The following ADAP1 variants were observed in gnomAD, a reference collection of about 807,000 sequenced individuals.
ADAP1 encodes ArfGAP with dual PH domains 1, also known as arf-GAP with dual PH domain-containing protein 1.
In ADAP1, 31 loss-of-function variants were observed where a neutral mutation model predicts 54.9. That is an observed-to-expected ratio of 0.56 (90% CI 0.42 to 0.76). The LOEUF (loss-of-function observed/expected upper bound fraction) is 0.76, where lower values mean the gene tolerates loss of function less well. Ranked by LOEUF, ADAP1 falls within the 30% of genes least tolerant of loss-of-function variation. The pLI is 0.00. For synonymous variants in ADAP1, 313 were observed against 202.6 expected (o/e 1.55, Z -4.63); for missense variants, 535 against 512.4 (o/e 1.04, Z -0.42).
At position 927,494 on chromosome 7, in the gene ADAP1, C is replaced by A. The variant is rs767396171; in HGVS notation, c.214-850G>T. 5.7e-5 allele frequency: 27 copies of A among 471,070 alleles called. No homozygotes were observed. In the Middle Eastern group the frequency reaches 1.6e-3, roughly 28 times the overall value. The allele number at this position is 471,070 out of a possible 1,614,324, so 29.2% of individuals were successfully genotyped here. On this transcript the variant is annotated intron_variant, in intron 2 of 10. Coordinates refer to ENST00000265846, the MANE Select transcript of ADAP1 (RefSeq NM_006869.4). ...TGCACCTTCAAGCTCCTGAACACCACTCGCCTGAGGCCGCAGCCAGGCCCA... is the reference window on the plus strand; with the variant it reads ...TGCACCTTCAAGCTCCTGAACACCAATCGCCTGAGGCCGCAGCCAGGCCCA...
chr7:904,723 G>T (rs984169508), intron 5 of ADAP1, among the ~76,000 whole-genome samples: 1 of 152,200 alleles, frequency 6.6e-6, no homozygotes, highest in East Asian at 1.9e-4. Context: ...GTCTCCCCAG[G>T]GTACCTCCAG....
rs896487485 is a variant in ADAP1, at chr7:927,086, C to T, written c.214-442G>A. 11 of 1,301,610 alleles carry T rather than the reference C, an allele frequency of 8.5e-6. No individual in the cohort carries two copies. In the East Asian group the frequency reaches 1.7e-4, roughly 20 times the overall value. The allele number at this position is 1,301,610 out of a possible 1,614,324, so 80.6% of individuals were successfully genotyped here. The stretch of plus-strand genomic sequence containing the variant: ...GCAAAGAGCCAACAGGCGCCAGACA[C>T]GGGGGCCTGGAGATGGGCTGGTGAG... On this transcript the variant is annotated intron_variant, in intron 2 of 10. Coordinates refer to ENST00000265846, the MANE Select transcript of ADAP1 (RefSeq NM_006869.4).
Position 945,575 on chromosome 7 carries a change from C to A in ADAP1, c.82+8821G>T, listed in dbSNP as rs532152816. Reference sequence around the variant, plus strand: ...TACACACTGGGCCCAAGGGTGGCTGCGGCATGGCTGATGTGGTGGTGGAGA... The same window carrying A: ...TACACACTGGGCCCAAGGGTGGCTGAGGCATGGCTGATGTGGTGGTGGAGA... On this transcript the variant is annotated intron_variant, in intron 1 of 10. Transcript: ENST00000265846. This position sits in a 1 kb window ranked among gnomAD's most constrained non-coding sequence, Gnocchi z 4.2. Among the ~76,000 whole-genome samples the A allele has an allele frequency of 6.6e-6, 1 of 152,354 alleles. No homozygotes were observed. Among genetic ancestry groups the A allele is most frequent in the South Asian group, 2.1e-4 (1 of 4,832 alleles).
chr7:949,503 G>A (rs1847218156), intron 1 of ADAP1, among the ~76,000 whole-genome samples: 1 of 152,258 alleles, frequency 6.6e-6, no homozygotes, highest in Non-Finnish European at 1.5e-5. Context: ...TGGGGGCAGG[G>A]GCAGTGCCAC....
At chr7:947,743 C>T (rs527882568) in intron 1 of ADAP1, among the ~76,000 whole-genome samples, 3 of 152,238 alleles carry the variant, frequency 2.0e-5, no homozygotes, top group East Asian at 3.9e-4. Context: ...CCCGCTCCCG[C>T]GCTGGCCCTA....
In ADAP1 at chr7:945,648, C is replaced by G; in HGVS notation, c.82+8748G>C. On this transcript the variant is annotated intron_variant, in intron 1 of 10. Transcript: ENST00000265846. The surrounding 1 kb of genome is among the most constrained non-coding windows in gnomAD (Gnocchi z 4.2). ...GGGAGGGGCAGGCCCAAGACTCCAG[C>G]CCCCACAAACATCCAGGCTGCCAGC... The G allele has an allele frequency of 2.5e-6, 2 of 796,822 alleles. No individual in the cohort carries two copies. The highest frequency in any genetic ancestry group is 1.1e-4 in the South Asian group (2 of 17,530). 49.4% of individuals were successfully genotyped at this position (796,822 alleles called of 1,614,324 possible).
intron 1 of ADAP1, among the ~76,000 whole-genome samples, chr7:949,409 G>A (rs753775521): frequency 1.3e-5 from 2 of 152,252 alleles, no homozygotes; most frequent in South Asian, 2.1e-4. Context: ...TGGGGGATGC[G>A]GCTGGCTGCC....
At position 904,980 on chromosome 7, in the gene ADAP1, C is replaced by T. The variant is rs184299672; in HGVS notation, c.501+80G>A. On this transcript the variant is annotated intron_variant, in intron 5 of 10. Coordinates refer to ENST00000265846, the MANE Select transcript of ADAP1 (RefSeq NM_006869.4). ...CAGGGAGGGCAGCTGCGGATGGACG[C>T]GGCCACCACAGGCCCCAGTGTGGGA... The T allele has an allele frequency of 7.9e-4, 995 of 1,265,938 alleles. 2 individuals are homozygous for T. Among genetic ancestry groups the T allele is most frequent in the Non-Finnish European group, 1.0e-3 (882 of 882,652 alleles). 78.4% of individuals were successfully genotyped at this position (1,265,938 alleles called of 1,614,324 possible). A position where few individuals can be genotyped will look rare whatever the true frequency, so the allele number is the denominator to read the frequency against.
At chr7:928,278 G>T (rs569642402) in intron 2 of ADAP1, among the ~76,000 whole-genome samples, 1 of 152,144 alleles carries the variant, frequency 6.6e-6, no homozygotes, top group Non-Finnish European at 1.5e-5. Context: ...GAGGCGGGAG[G>T]ATCCCTTGAG....
chr7:906,772 G>GA (rs1845460795), intron 4 of ADAP1, among the ~76,000 whole-genome samples: 1 of 39,104 alleles, frequency 2.6e-5, no homozygotes, highest in Admixed American at 3.3e-4. Flanking sequence ...GGGACATGGG[G>GA]GACAGGGGAC....
chr7:953,398 G>A (rs1192929556), intron 1 of ADAP1, among the ~76,000 whole-genome samples: 4 of 152,226 alleles, frequency 2.6e-5, no homozygotes, highest in Non-Finnish European at 4.4e-5. Context: ...ATCCCAGAGG[G>A]AATCAGGGAC....
chr7:901,792 C>A (rs1354273918), intron 6 of ADAP1, among the ~76,000 whole-genome samples: 2 of 151,364 alleles, frequency 1.3e-5, no homozygotes, highest in Admixed American at 6.6e-5. Flanking sequence ...CCGGCCCGCC[C>A]CGTCCCATTT....
intron 4 of ADAP1, chr7:905,501 G>GGAGAAAGGAGAAA (rs1845150271): frequency 1.2e-4 from 1 of 8,648 alleles, no homozygotes; most frequent in Non-Finnish European, 2.2e-4. Flanking sequence ...GAAGGGAGAA[G>GGAGAAAGGAGAAA]GGAGAAGGGA....
At chr7:925,361 T>TAAAA (rs5881885) in intron 3 of ADAP1, among the ~76,000 whole-genome samples, 2 of 111,352 alleles carry the variant, frequency 1.8e-5, no homozygotes, top group Non-Finnish European at 3.6e-5. Flanking sequence ...TCTCTATATT[T>TAAAA]AAAAAAAAAA....
chr7:919,881 G>T (rs1404112460), intron 4 of ADAP1, 87 bp downstream of exon 4: 2 of 779,412 alleles, frequency 2.6e-6, no homozygotes, highest in Non-Finnish European at 1.9e-6. Flanking sequence ...GGAAAGAGAT[G>T]GGGGAGGGAG....
chr7:938,699 C>T lies in ADAP1; in HGVS notation c.83-3194G>A, dbSNP rs575928462. On this transcript the variant is annotated intron_variant, in intron 1 of 10. Transcript: ENST00000265846. The surrounding 1 kb of genome is among the most constrained non-coding windows in gnomAD (Gnocchi z 4.4). ...TCCTCATCTGTCGGATGGGACAGCA[C>T]GAGCCACTTACAGGGGTAGCAGGCA... Among the ~76,000 whole-genome samples, 33 of 152,298 alleles carry T rather than the reference C, an allele frequency of 2.2e-4. No individual in the cohort carries two copies. Among genetic ancestry groups the T allele is most frequent in the East Asian group, 7.7e-4 (4 of 5,186 alleles).
intron 1 of ADAP1, among the ~76,000 whole-genome samples, chr7:937,094 G>A (rs1166548560): frequency 6.1e-5 from 7 of 115,100 alleles, no homozygotes; most frequent in Non-Finnish European, 3.7e-5. Flanking sequence ...TGGGGGTCAC[G>A]CCGGGCCTCG....
At chr7:916,043 GC>G (rs1466678563) in intron 4 of ADAP1, among the ~76,000 whole-genome samples, 16 of 152,222 alleles carry the variant, frequency 1.1e-4, no homozygotes, top group Non-Finnish European at 1.8e-4. Flanking sequence ...CCCCAGAAGG[GC>G]CACTCCAGGG....
chr7:941,153 A>G (rs899936613), intron 1 of ADAP1, among the ~76,000 whole-genome samples: 1 of 152,248 alleles, frequency 6.6e-6, no homozygotes, highest in Non-Finnish European at 1.5e-5. Context: ...ATAGAGGGTA[A>G]TTTCCCCAAT....
Sources: gnomAD v4.1 joint callset for allele counts (sites outside exome capture counted in the v4.1 genomes callset) on GRCh38, gnomAD v4.1.1 for gene constraint, Gnocchi (gnomAD v3.1) non-coding constraint, MANE v1.5 for transcripts, NCBI Gene and HGNC (gene_info 2026-07-23, HGNC 2026-07-21) for gene names.